CEP112: variants seen among roughly 807,000 people sequenced by gnomAD.
The protein encoded by CEP112 is centrosomal protein 112, also known as centrosomal protein of 112 kDa.
A neutral mutation model predicts 153.0 loss-of-function variants in CEP112; 127 were observed. The ratio of observed to expected loss-of-function variants is 0.83; its 90% CI spans 0.72 to 0.96. The LOEUF is 0.96. CEP112 is among the 40% of genes least tolerant of loss of function. The pLI is 0.00. For synonymous variants in CEP112, 358 were observed against 374.4 expected (o/e 0.96, Z 0.51); for missense variants, 1,089 against 1,101.2 (o/e 0.99, Z 0.16).
intron 21 of CEP112, among the ~76,000 whole-genome samples, chr17:65,816,068 A>G (rs1333833698): frequency 6.6e-6 from 1 of 152,050 alleles, no homozygotes; most frequent in African/African-American, 2.4e-5. Context: ...CAATCTTGGG[A>G]AAAAATAATA....
intron 24 of CEP112, among the ~76,000 whole-genome samples, chr17:65,664,727 A>G (rs555061550): frequency 2.3e-4 from 35 of 152,368 alleles, no homozygotes; most frequent in African/African-American, 7.9e-4. Context: ...TGATAACACC[A>G]TCAAGGACAC....
chr17:66,000,294 G>C (rs1235818077), intron 17 of CEP112, among the ~76,000 whole-genome samples: 10 of 147,700 alleles, frequency 6.8e-5, no homozygotes, highest in African/African-American at 2.0e-4. Flanking sequence ...TTGTGGTTTT[G>C]ATTTGCATTT....
At chr17:66,091,940 A>C (rs2068147772) in intron 8 of CEP112, among the ~76,000 whole-genome samples, 1 of 152,206 alleles carries the variant, frequency 6.6e-6, no homozygotes, top group Non-Finnish European at 1.5e-5. Flanking sequence ...AAAGGAATAA[A>C]TTCCTGGACA....
intron 17 of CEP112, among the ~76,000 whole-genome samples, chr17:65,983,266 GAGC>G (rs1330553366): frequency 5.3e-5 from 8 of 152,290 alleles, no homozygotes; most frequent in African/African-American, 1.9e-4. Flanking sequence ...TGTAACTGTG[GAGC>G]AGGAGTCCAA....
chr17:65,670,152 G>GT (rs1396717138), intron 24 of CEP112, among the ~76,000 whole-genome samples: 2 of 150,744 alleles, frequency 1.3e-5, no homozygotes, highest in Admixed American at 6.6e-5. Flanking sequence ...GTTCTTTGAG[G>GT]TTTTTTTGTT....
chr17:65,730,534 A>T (rs1206392828), intron 23 of CEP112, among the ~76,000 whole-genome samples: 1 of 152,194 alleles, frequency 6.6e-6, no homozygotes, highest in African/African-American at 2.4e-5. Flanking sequence ...GCACAAAGAA[A>T]ATGCCACTTT....
At chr17:65,737,043 G>A (rs2050842155) in intron 23 of CEP112, among the ~76,000 whole-genome samples, 1 of 152,114 alleles carries the variant, frequency 6.6e-6, no homozygotes, top group East Asian at 1.9e-4. Flanking sequence ...TGTTTGTTAG[G>A]CAGCATTATT....
intron 24 of CEP112, among the ~76,000 whole-genome samples, chr17:65,670,181 T>A (rs573821014): frequency 6.6e-6 from 1 of 151,288 alleles, no homozygotes; most frequent in African/African-American, 2.4e-5. Flanking sequence ...TGTTGTTGTT[T>A]TTTTTTTAAC....
chr17:65,807,031 G>A (rs555887369), intron 21 of CEP112, among the ~76,000 whole-genome samples: 1 of 152,164 alleles, frequency 6.6e-6, no homozygotes, highest in African/African-American at 2.4e-5. Flanking sequence ...TTTGTTAAAT[G>A]GTTTGACCAA....
At chr17:65,650,430 G>C (rs2045684353) in intron 24 of CEP112, among the ~76,000 whole-genome samples, 1 of 152,142 alleles carries the variant, frequency 6.6e-6, no homozygotes, top group East Asian at 1.9e-4. Context: ...CAGGCTCCTA[G>C]CACTTTCCTG....
intron 4 of CEP112, among the ~76,000 whole-genome samples, chr17:66,172,426 G>C (rs180759142): frequency 1.3e-5 from 2 of 152,252 alleles, no homozygotes; most frequent in Admixed American, 1.3e-4. Context: ...TCACCAGAGT[G>C]CCTGCTTTTC....
chr17:66,101,949 A>G (rs987928367), intron 6 of CEP112, among the ~76,000 whole-genome samples: 14 of 152,286 alleles, frequency 9.2e-5, no homozygotes, highest in Middle Eastern at 3.4e-3. Flanking sequence ...TATTTTAGAA[A>G]GAAGAGATGG....
chr17:65,924,101 C>T (rs2060832084), intron 19 of CEP112, among the ~76,000 whole-genome samples: 1 of 152,034 alleles, frequency 6.6e-6, no homozygotes, highest in Non-Finnish European at 1.5e-5. Flanking sequence ...CTCAGCCTCT[C>T]GAGTAGCTGG....
intron 16 of CEP112, among the ~76,000 whole-genome samples, chr17:66,021,074 G>A (rs2064981703): frequency 6.6e-6 from 1 of 152,118 alleles, no homozygotes; most frequent in South Asian, 2.1e-4. Context: ...CCTAGGCCAT[G>A]GGGAACACCC....
At chr17:65,727,845 C>A (rs2050265887) in intron 23 of CEP112, among the ~76,000 whole-genome samples, 1 of 152,080 alleles carries the variant, frequency 6.6e-6, no homozygotes, top group Non-Finnish European at 1.5e-5. Flanking sequence ...AGGAGATGAT[C>A]TTAGTGTGGA....
chr17:65,738,003 C>T (rs2050902352), intron 23 of CEP112, among the ~76,000 whole-genome samples: 1 of 152,114 alleles, frequency 6.6e-6, no homozygotes. Context: ...CTCGATGAGC[C>T]GTGTTTACAC....
chr17:66,021,980 T>C (rs1410547604), intron 16 of CEP112, among the ~76,000 whole-genome samples: 1 of 152,226 alleles, frequency 6.6e-6, no homozygotes, highest in African/African-American at 2.4e-5. Flanking sequence ...AACCCCATAG[T>C]AAATCTGCTG....
intron 19 of CEP112, among the ~76,000 whole-genome samples, chr17:65,908,507 C>A (rs1179928908): frequency 2.0e-5 from 3 of 152,052 alleles, no homozygotes; most frequent in Non-Finnish European, 2.9e-5. Flanking sequence ...ACCAGCCTGA[C>A]CAACAAGGAG....
chr17:66,190,906 T>C (rs961913348), intron 1 of CEP112, among the ~76,000 whole-genome samples: 1 of 152,328 alleles, frequency 6.6e-6, no homozygotes, highest in South Asian at 2.1e-4. Context: ...GGAAGTTGTG[T>C]AAAACCCATT....
Sources: allele counts gnomAD v4.1 joint callset (sites outside exome capture counted in the v4.1 genomes callset), GRCh38; gene constraint gnomAD v4.1.1; transcripts MANE v1.5; gene names NCBI Gene and HGNC (gene_info 2026-07-23, HGNC 2026-07-21).